Variants in SAMD12 observed in about 807,000 individuals in gnomAD.
The protein encoded by SAMD12 is sterile alpha motif domain containing 12.
In SAMD12, 9 loss-of-function variants were observed where a neutral mutation model predicts 15.0. The ratio of observed to expected loss-of-function variants is 0.60; its 90% CI spans 0.36 to 1.05. The LOEUF (loss-of-function observed/expected upper bound fraction) is 1.05, where lower values mean the gene tolerates loss of function less well. SAMD12 is among the 50% of genes least tolerant of loss of function. SAMD12 has a pLI of 0.01. For synonymous variants in SAMD12, 86 were observed against 90.1 expected, an observed-to-expected ratio of 0.96 and a Z score of 0.25; for missense variants, 230 against 234.2, an observed-to-expected ratio of 0.98 and a Z score of 0.12.
At chr8:118,404,339 G>A (rs1389314024) in intron 3 of SAMD12, among the ~76,000 whole-genome samples, 1 of 152,102 alleles carries the variant, frequency 6.6e-6, no homozygotes, top group Non-Finnish European at 1.5e-5. Flanking sequence ...TTTGTGCTTT[G>A]ATATCTGCAA....
At chr8:118,430,791 A>T (rs1013817965) in intron 3 of SAMD12, among the ~76,000 whole-genome samples, 3 of 152,214 alleles carry the variant, frequency 2.0e-5, no homozygotes, top group Non-Finnish European at 4.4e-5. Flanking sequence ...TAACCTGAGT[A>T]CTTAAAGTGT....
chr8:118,286,155 C>T (rs532178099), intron 4 of SAMD12, among the ~76,000 whole-genome samples: 8 of 114,958 alleles, frequency 7.0e-5, no homozygotes, highest in Non-Finnish European at 1.2e-4. Flanking sequence ...CATCACACAC[C>T]GGGGCCTGTT....
chr8:118,440,689 CACACACAA>C lies in SAMD12; in HGVS notation c.193-736_193-729del, dbSNP rs1213818242. ...ACACACACACACACACACACACACACACACACAAACACACACACACACACACATATAAA... is the reference window on the plus strand; with the variant it reads ...ACACACACACACACACACACACACACACACACACACACACACACATATAAA... On this transcript the variant is annotated intron_variant, in intron 2 of 3. Coordinates refer to ENST00000314727, the MANE Select transcript of SAMD12 (RefSeq NM_207506.3). 3.6e-3 allele frequency among the ~76,000 whole-genome samples: 415 copies of C among 116,530 alleles called. 1 individual carries two copies. Among genetic ancestry groups the C allele is most frequent in the South Asian group, 0.013 (46 of 3,454 alleles). 76.4% of individuals were successfully genotyped at this position (116,530 alleles called of 152,430 possible).
chr8:118,244,186 G>A (rs1812636074), intron 4 of SAMD12, among the ~76,000 whole-genome samples: 1 of 152,096 alleles, frequency 6.6e-6, no homozygotes. Context: ...ATATATAAAG[G>A]TGCTAATTCA....
At chr8:118,314,598 A>G (rs1429931661) in intron 4 of SAMD12, among the ~76,000 whole-genome samples, 1 of 152,148 alleles carries the variant, frequency 6.6e-6, no homozygotes, top group African/African-American at 2.4e-5. Flanking sequence ...TGCCATCTCT[A>G]TAATTTTGTT....
intron 2 of SAMD12, among the ~76,000 whole-genome samples, chr8:118,535,099 TTGA>T (rs1306080388): frequency 6.6e-6 from 1 of 152,210 alleles, no homozygotes; most frequent in East Asian, 1.9e-4. Flanking sequence ...CCTTTGGTCT[TTGA>T]TGATGAGGTA....
downstream of SAMD12, among the ~76,000 whole-genome samples, chr8:118,375,454 C>T (rs1458769616): frequency 6.6e-6 from 1 of 152,054 alleles, no homozygotes; most frequent in Non-Finnish European, 1.5e-5. Context: ...TGAATTATAT[C>T]TCTATGAAGA....
chr8:118,574,950 GCT>G (rs1242518192), intron 2 of SAMD12, among the ~76,000 whole-genome samples: 2 of 152,178 alleles, frequency 1.3e-5, no homozygotes, highest in African/African-American at 4.8e-5. Context: ...CTCAAAGGCA[GCT>G]AAGCAATGTA....
chr8:118,326,410 A>G (rs1341982713), intron 4 of SAMD12, among the ~76,000 whole-genome samples: 1 of 152,102 alleles, frequency 6.6e-6, no homozygotes, highest in South Asian at 2.1e-4. Flanking sequence ...TTTACACCCA[A>G]AGTATATCCC....
Position 118,213,840 on chromosome 8 carries a change from T to C in SAMD12, c.434-16108A>G, listed in dbSNP as rs74406754. 5.3e-3 allele frequency among the ~76,000 whole-genome samples: 801 copies of C among 152,284 alleles called. 3 individuals are homozygous for C. The highest frequency in any genetic ancestry group is 7.7e-3 in the Admixed American group (117 of 15,292). ...GGCTTATGGAGCTCCTAAAGTCTTA[T>C]TCCTTAGCCCTCATAGGACTATATC... On this transcript the variant is annotated intron_variant, in intron 4 of 4. Coordinates refer to the SAMD12 transcript ENST00000409003.
chr8:118,308,080 CCT>C (rs969493306), intron 4 of SAMD12, among the ~76,000 whole-genome samples: 4 of 152,220 alleles, frequency 2.6e-5, no homozygotes, highest in African/African-American at 7.2e-5. Context: ...TTCCTGTTTT[CCT>C]CTCTAGCTAG....
the SAMD12 span, among the ~76,000 whole-genome samples, chr8:118,167,833 G>C: frequency 6.6e-6 from 1 of 151,990 alleles, no homozygotes; most frequent in South Asian, 2.1e-4. Flanking sequence ...ACTATAATGA[G>C]CAACAAACCC....
chr8:118,144,738 C>T, the SAMD12 span, among the ~76,000 whole-genome samples: 1 of 152,094 alleles, frequency 6.6e-6, no homozygotes. Flanking sequence ...GAAAATATCT[C>T]TAACTCTCAC....
chr8:118,331,578 G>A (rs1816807846), intron 4 of SAMD12, among the ~76,000 whole-genome samples: 2 of 152,174 alleles, frequency 1.3e-5, no homozygotes, highest in African/African-American at 4.8e-5. Flanking sequence ...AGTAAGTGAA[G>A]GCAGCAAGAA....
the SAMD12 span, among the ~76,000 whole-genome samples, chr8:118,139,840 T>G: frequency 6.6e-6 from 1 of 152,178 alleles, no homozygotes; most frequent in African/African-American, 2.4e-5. Context: ...TCATTCAAAC[T>G]CTGTCAGTTA....
downstream of SAMD12, among the ~76,000 whole-genome samples, chr8:118,377,405 C>A (rs766821571): frequency 1.3e-5 from 2 of 151,792 alleles, no homozygotes; most frequent in South Asian, 4.1e-4. Context: ...CTTGAAAAAA[C>A]CAAAACCAAA....
chr8:118,532,272 T>C (rs1328235724), intron 2 of SAMD12, among the ~76,000 whole-genome samples: 2 of 152,252 alleles, frequency 1.3e-5, no homozygotes, highest in South Asian at 4.1e-4. Context: ...CAGCCTTGCA[T>C]CCCAGGGATG....
chr8:118,200,170 G>A (rs1819674107), intron 4 of SAMD12, among the ~76,000 whole-genome samples: 1 of 152,138 alleles, frequency 6.6e-6, no homozygotes, highest in Admixed American at 6.5e-5. Flanking sequence ...ACGTGGAACT[G>A]TGAGTCAATT....
chr8:118,182,835 G>A, the SAMD12 span, among the ~76,000 whole-genome samples: 3 of 152,150 alleles, frequency 2.0e-5, no homozygotes, highest in African/African-American at 7.2e-5. Context: ...ATGTTGGAAC[G>A]GTGTTTGAAA....
Sources: gnomAD v4.1 joint callset for allele counts (sites outside exome capture counted in the v4.1 genomes callset) on GRCh38, gnomAD v4.1.1 for gene constraint, MANE v1.5 for transcripts, NCBI Gene and HGNC (gene_info 2026-07-23, HGNC 2026-07-21) for gene names.